EYA4: variants seen among roughly 807,000 people sequenced by gnomAD.
EYA4 encodes the protein EYA transcriptional coactivator and phosphatase 4, also known as protein phosphatase EYA4.
A neutral mutation model predicts 87.9 loss-of-function variants in EYA4; 31 were observed. That is an observed-to-expected ratio of 0.35 (90% CI 0.27 to 0.48). The LOEUF (loss-of-function observed/expected upper bound fraction) is 0.48. Among genes scored for constraint, EYA4 ranks in the 20% least tolerant of loss-of-function variants. The probability of loss-of-function intolerance (pLI) is 0.99; values close to 1 mark genes in which losing one functional copy is unlikely to be tolerated. For missense variants in EYA4, 678 were observed against 761.4 expected, an observed-to-expected ratio of 0.89 and a Z score of 1.29; for synonymous variants, 263 against 270.6, an observed-to-expected ratio of 0.97 and a Z score of 0.28.
chr6:133,462,230 A>AT (rs1794458848), intron 7 of EYA4, 105 bp from the exon 8 acceptor site: 1 of 1,251,910 alleles, frequency 8.0e-7, no homozygotes, highest in Non-Finnish European at 1.2e-6. Flanking sequence ...TATTGTGGAT[A>AT]AAGAGGATTA....
In EYA4 at chr6:133,531,512, C is replaced by T. The variant is rs1184335820; in HGVS notation, c.*2707C>T. The T allele has an allele frequency of 1.8e-5, 8 of 436,944 alleles. No homozygotes were observed. The highest frequency in any genetic ancestry group is 3.7e-5 in the East Asian group (1 of 26,894). The allele number at this position is 436,944 out of a possible 1,614,324, so 27.1% of individuals were successfully genotyped here. On this transcript the variant is annotated 3_prime_UTR_variant, in exon 20 of 20. Transcript: ENST00000355286. ...ATGTTCTGTAACTAAAGTGGGTTTT[C>T]GGCTATTATGTATACAGCTTGGTAT...
intron 6 of EYA4, among the ~76,000 whole-genome samples, chr6:133,458,116 C>T (rs1216852896): frequency 1.3e-5 from 2 of 152,100 alleles, no homozygotes; most frequent in African/African-American, 4.8e-5. Flanking sequence ...CATGAACAAT[C>T]ATCCTGTCTG....
chr6:133,266,058 G>T (rs967049260), intron 1 of EYA4, among the ~76,000 whole-genome samples: 2 of 152,152 alleles, frequency 1.3e-5, no homozygotes, highest in Non-Finnish European at 2.9e-5. Context: ...AATTATACAT[G>T]TGTGGTGAGT....
chr6:133,451,234 A>G (rs1316888429), intron 5 of EYA4, among the ~76,000 whole-genome samples: 1 of 152,214 alleles, frequency 6.6e-6, no homozygotes, highest in African/African-American at 2.4e-5. Context: ...TCATGTCACA[A>G]AATATTCTCC....
intron 13 of EYA4, chr6:133,502,278 T>A (rs540029321): frequency 9.9e-5 from 15 of 152,202 alleles, no homozygotes; most frequent in African/African-American, 3.6e-4. Context: ...ATTATCCCAC[T>A]TTTTTCCTCT....
At chr6:133,505,674 C>CTCTA (rs1798538223) in intron 13 of EYA4, among the ~76,000 whole-genome samples, 1 of 152,176 alleles carries the variant, frequency 6.6e-6, no homozygotes, top group Admixed American at 6.5e-5. Context: ...ACCTATTTTT[C>CTCTA]TCTATCTTTT....
chr6:133,396,778 A>AT (rs1317131688), intron 3 of EYA4, among the ~76,000 whole-genome samples: 1 of 152,058 alleles, frequency 6.6e-6, no homozygotes, highest in East Asian at 1.9e-4. Context: ...ACCCATTGGT[A>AT]TTTCTCCAAA....
Position 133,340,401 on chromosome 6 carries a change from A to G in EYA4, c.34-41991A>G, listed in dbSNP as rs549086433. On this transcript the variant is annotated intron_variant, in intron 2 of 19. Transcript: ENST00000355286. Reference sequence around the variant, plus strand: ...TAGTGCTTACATTTGTTTGGAGTCAAAAAATAATAAATAAATGAACAAAAT... The same window carrying G: ...TAGTGCTTACATTTGTTTGGAGTCAGAAAATAATAAATAAATGAACAAAAT... Among the ~76,000 whole-genome samples, 3 of 152,314 alleles carry G rather than the reference A, an allele frequency of 2.0e-5. No homozygotes were observed. The East Asian group carries it at 5.8e-4, about 29-fold the overall frequency.
chr6:133,394,993 C>T (rs1562370114), intron 3 of EYA4, among the ~76,000 whole-genome samples: 2 of 152,144 alleles, frequency 1.3e-5, no homozygotes, highest in Non-Finnish European at 2.9e-5. Context: ...AACATCATAA[C>T]ATTTTAGAAT....
chr6:133,390,380 CCCG>C (rs1427971190), intron 3 of EYA4, among the ~76,000 whole-genome samples: 17 of 152,252 alleles, frequency 1.1e-4, no homozygotes, highest in South Asian at 2.1e-4. Context: ...CGCCACCACA[CCCG>C]CCTACTTTTT....
rs1800934804 is a variant in EYA4, at chr6:133,530,322, C to T, written c.*1517C>T. On this transcript the variant is annotated 3_prime_UTR_variant, in exon 20 of 20. Coordinates refer to ENST00000355286, the MANE Select transcript of EYA4 (RefSeq NM_004100.5). ...ATTCATTACAAGAAGAGCCCATCATCGTTGTGTTTGCATGGTTTTTTTCCT... is the reference window on the plus strand; with the variant it reads ...ATTCATTACAAGAAGAGCCCATCATTGTTGTGTTTGCATGGTTTTTTTCCT... 12 of 985,286 alleles carry T rather than the reference C, an allele frequency of 1.2e-5. No homozygotes were observed. The highest frequency in any genetic ancestry group is 1.4e-5 in the Non-Finnish European group (12 of 829,942). 61.0% of individuals were successfully genotyped at this position (985,286 alleles called of 1,614,324 possible). A position where few individuals can be genotyped will look rare whatever the true frequency, so the allele number is the denominator to read the frequency against.
chr6:133,293,096 C>G (rs918418165), intron 2 of EYA4, among the ~76,000 whole-genome samples: 1 of 152,180 alleles, frequency 6.6e-6, no homozygotes, highest in Non-Finnish European at 1.5e-5. Context: ...ATCTCCTCCT[C>G]TTCCTTAGGT....
At chr6:133,513,739 T>C (rs1482438046) in intron 16 of EYA4, among the ~76,000 whole-genome samples, 1 of 152,158 alleles carries the variant, frequency 6.6e-6, no homozygotes, top group Non-Finnish European at 1.5e-5. Flanking sequence ...TAGAATCAAT[T>C]TTAGGTAAAC....
At chr6:133,326,702 A>G (rs968534372) in intron 2 of EYA4, among the ~76,000 whole-genome samples, 10 of 152,186 alleles carry the variant, frequency 6.6e-5, no homozygotes, top group African/African-American at 1.9e-4. Context: ...TTGCCTGGAC[A>G]CAGGGACCGA....
At chr6:133,243,010 C>T (rs1296457833) in intron 1 of EYA4, among the ~76,000 whole-genome samples, 1 of 152,106 alleles carries the variant, frequency 6.6e-6, no homozygotes, top group Non-Finnish European at 1.5e-5. Flanking sequence ...GTGCAGGTCC[C>T]TCTGCCCTTT....
intron 9 of EYA4, among the ~76,000 whole-genome samples, chr6:133,464,514 T>C (rs1448442108): frequency 6.6e-6 from 1 of 152,160 alleles, no homozygotes; most frequent in African/African-American, 2.4e-5. Flanking sequence ...TCTAGACTCT[T>C]AACCCTTGAA....
chr6:133,494,563 G>A (rs1214405440), intron 13 of EYA4, among the ~76,000 whole-genome samples: 2 of 151,640 alleles, frequency 1.3e-5, no homozygotes, highest in Non-Finnish European at 2.9e-5. Context: ...GAGAGTCCAG[G>A]CACAGTAGCT....
At chr6:133,489,234 G>A (rs932708318) in intron 13 of EYA4, among the ~76,000 whole-genome samples, 3 of 151,840 alleles carry the variant, frequency 2.0e-5, no homozygotes, top group Admixed American at 6.6e-5. Flanking sequence ...GAATAAAAAC[G>A]AATGAAGCGC....
At position 133,449,245 on chromosome 6, in the gene EYA4, T is replaced by A. The variant is rs1452649634; in HGVS notation, c.277+1066T>A. On this transcript the variant is annotated intron_variant, in intron 5 of 19. Coordinates refer to ENST00000355286, the MANE Select transcript of EYA4 (RefSeq NM_004100.5). ...GTGCAAAAGCAACATAGAAAATATGTAAATGAATAAGCATGGCTATGGTCC... is the reference window on the plus strand; with the variant it reads ...GTGCAAAAGCAACATAGAAAATATGAAAATGAATAAGCATGGCTATGGTCC... 2.6e-5 allele frequency among the ~76,000 whole-genome samples: 4 copies of A among 152,340 alleles called. No homozygotes were observed. In the East Asian group the frequency reaches 7.7e-4, roughly 29 times the overall value.
Sources: allele counts gnomAD v4.1 joint callset (sites outside exome capture counted in the v4.1 genomes callset), GRCh38; gene constraint gnomAD v4.1.1; transcripts MANE v1.5; gene names NCBI Gene and HGNC (gene_info 2026-07-23, HGNC 2026-07-21).